Variants in AK9 observed in about 807,000 individuals in gnomAD.
AK9 encodes adenylate kinase 9.
A neutral mutation model predicts 239.6 loss-of-function variants in AK9; 191 were observed. That is an observed-to-expected ratio of 0.80 (90% confidence interval 0.71 to 0.90). AK9 has a LOEUF of 0.90. AK9 is among the 40% of genes least tolerant of loss of function. AK9 has a pLI of 0.00. For missense variants in AK9, 1,995 were observed against 2,214.7 expected (o/e 0.90, Z 1.99); for synonymous variants, 689 against 721.0 (o/e 0.96, Z 0.71).
At chr6:109,591,860 A>AC (rs1790286714) in intron 17 of AK9, among the ~76,000 whole-genome samples, 2 of 100,174 alleles carry the variant, frequency 2.0e-5, no homozygotes, top group African/African-American at 5.6e-5. Flanking sequence ...TTTCCTATTT[A>AC]GAAAAAAAAA....
At chr6:109,675,888 C>T in intron 1 of AK9, 132 bp from the exon 2 acceptor site, 1 of 517,850 alleles carries the variant, frequency 1.9e-6, no homozygotes. Context: ...TGAATTTTGT[C>T]AGTAATTGCA....
intron 17 of AK9, among the ~76,000 whole-genome samples, chr6:109,602,470 TG>T (rs1303698319): frequency 6.6e-6 from 1 of 152,190 alleles, no homozygotes; most frequent in Non-Finnish European, 1.5e-5. Flanking sequence ...CTTCTCTTTG[TG>T]GGTAACCCGA....
intron 17 of AK9, among the ~76,000 whole-genome samples, chr6:109,587,740 C>T (rs970247934): frequency 1.3e-5 from 2 of 152,100 alleles, no homozygotes; most frequent in Admixed American, 6.5e-5. Context: ...TTGTTAATAG[C>T]GCTGCAATAA....
At chr6:109,517,370 CATAA>C (rs768766388) in intron 29 of AK9, among the ~76,000 whole-genome samples, 17 of 152,134 alleles carry the variant, frequency 1.1e-4, no homozygotes, top group Non-Finnish European at 1.9e-4. Flanking sequence ...AAAGTGGTCC[CATAA>C]ATAAATACAG....
chr6:109,635,924 T>C (rs1303989166), intron 10 of AK9, among the ~76,000 whole-genome samples: 1 of 152,208 alleles, frequency 6.6e-6, no homozygotes, highest in East Asian at 1.9e-4. Context: ...AATGCAGCTG[T>C]TAAATTTTTA....
intron 12 of AK9, among the ~76,000 whole-genome samples, chr6:109,629,817 T>A (rs1352741870): frequency 6.6e-6 from 1 of 151,964 alleles, no homozygotes; most frequent in East Asian, 1.9e-4. Flanking sequence ...GTATTTTTAG[T>A]AGAGACGGGG....
intron 1 of AK9, among the ~76,000 whole-genome samples, chr6:109,684,830 C>T (rs1313252713): frequency 1.0e-4 from 13 of 124,780 alleles, no homozygotes; most frequent in Non-Finnish European, 1.7e-4. Flanking sequence ...GCCGAGATCC[C>T]GCCACTGCAC....
intron 12 of AK9, among the ~76,000 whole-genome samples, chr6:109,620,644 T>C (rs1562504588): frequency 6.6e-6 from 1 of 152,050 alleles, no homozygotes; most frequent in Non-Finnish European, 1.5e-5. Flanking sequence ...ACTGTTTTAT[T>C]CCATGCCAAT....
At chr6:109,682,295 C>T (rs1428833912) in intron 1 of AK9, among the ~76,000 whole-genome samples, 16 of 151,854 alleles carry the variant, frequency 1.1e-4, no homozygotes, top group East Asian at 2.0e-4. Context: ...GGCGTGGTGG[C>T]GGGTGCCTGT....
At chr6:109,506,942 G>A in intron 33 of AK9, 142 bp from the exon 34 acceptor site, 1 of 1,301,672 alleles carries the variant, frequency 7.7e-7, no homozygotes, top group Non-Finnish European at 1.0e-6. Context: ...TTCACACTTT[G>A]CCCTCTTCAT....
At chr6:109,649,011 T>G (rs1355318773) in intron 8 of AK9, among the ~76,000 whole-genome samples, 1 of 152,232 alleles carries the variant, frequency 6.6e-6, no homozygotes, top group Non-Finnish European at 1.5e-5. Context: ...TCTCAACAGA[T>G]GCAGAAAAGG....
At chr6:109,615,341 T>C (rs1237298943) in intron 13 of AK9, among the ~76,000 whole-genome samples, 4 of 151,850 alleles carry the variant, frequency 2.6e-5, no homozygotes, top group Non-Finnish European at 4.4e-5. Context: ...TTCTCATCTG[T>C]ATTGCTGGTG....
chr6:109,494,921 T>G (rs1776880850), intron 39 of AK9, among the ~76,000 whole-genome samples: 1 of 152,214 alleles, frequency 6.6e-6, no homozygotes, highest in South Asian at 2.1e-4. Flanking sequence ...TATCTGGATG[T>G]GGGGCAAAAT....
intron 33 of AK9, among the ~76,000 whole-genome samples, chr6:109,507,228 A>G (rs541472563): frequency 1.3e-5 from 2 of 152,214 alleles, no homozygotes; most frequent in Non-Finnish European, 2.9e-5. Context: ...AATGATGTTT[A>G]ACTCTTAGAG....
intron 28 of AK9, among the ~76,000 whole-genome samples, chr6:109,532,353 C>T (rs140843441): frequency 4.6e-4 from 70 of 152,310 alleles, no homozygotes; most frequent in Middle Eastern, 3.4e-3. Context: ...AAGCTCTCTT[C>T]GGTATGAAAG....
chr6:109,674,569 C>A (rs1457144027), intron 2 of AK9, among the ~76,000 whole-genome samples: 1 of 152,086 alleles, frequency 6.6e-6, no homozygotes, highest in Admixed American at 6.6e-5. Flanking sequence ...ATTTTGATTA[C>A]AAATCATTGT....
chr6:109,654,328 A>T (rs923674291), intron 8 of AK9, among the ~76,000 whole-genome samples: 1 of 151,734 alleles, frequency 6.6e-6, no homozygotes, highest in Non-Finnish European at 1.5e-5. Flanking sequence ...ATTGTTTTAT[A>T]TATAATATAT....
intron 31 of AK9, among the ~76,000 whole-genome samples, chr6:109,514,722 G>A (rs1779098836): frequency 6.6e-6 from 1 of 152,066 alleles, no homozygotes. Flanking sequence ...GAATGTTTCT[G>A]TCAAACAGCC....
intron 15 of AK9, among the ~76,000 whole-genome samples, chr6:109,613,952 T>C (rs1464177547): frequency 6.6e-6 from 1 of 152,140 alleles, no homozygotes; most frequent in Non-Finnish European, 1.5e-5. Flanking sequence ...ACATTTTTCT[T>C]TGGGCTCTAA....
Sources: gnomAD v4.1 joint callset for allele counts (sites outside exome capture counted in the v4.1 genomes callset) on GRCh38, gnomAD v4.1.1 for gene constraint, MANE v1.5 for transcripts, NCBI Gene and HGNC (gene_info 2026-07-23, HGNC 2026-07-21) for gene names.